Variants in MYRFL observed in about 807,000 individuals in gnomAD.
MYRFL encodes the protein myelin regulatory factor-like protein.
Under a neutral mutation model 109.4 loss-of-function variants are expected in MYRFL, and 88 were observed. The ratio of observed to expected loss-of-function variants is 0.80; its 90% CI spans 0.68 to 0.96. The LOEUF (loss-of-function observed/expected upper bound fraction) is 0.96. Among genes scored for constraint, MYRFL ranks in the 40% least tolerant of loss-of-function variants. The probability of loss-of-function intolerance (pLI) is 0.00; values close to 1 mark genes in which losing one functional copy is unlikely to be tolerated. For missense variants in MYRFL, 957 were observed against 954.9 expected, an observed-to-expected ratio of 1.00 and a Z score of -0.03; for synonymous variants, 324 against 320.9, an observed-to-expected ratio of 1.01 and a Z score of -0.10.
At chr12:69,867,514 G>T (rs1414700784) in intron 2 of MYRFL, among the ~76,000 whole-genome samples, 5 of 152,180 alleles carry the variant, frequency 3.3e-5, no homozygotes, top group Non-Finnish European at 7.4e-5. Context: ...GGACACTGGT[G>T]TTTGAATAGG....
At chr12:69,888,717 G>A (rs576122502) in intron 6 of MYRFL, among the ~76,000 whole-genome samples, 1 of 152,182 alleles carries the variant, frequency 6.6e-6, no homozygotes, top group South Asian at 2.1e-4. Flanking sequence ...CAGAGTTTTT[G>A]ACAGTGAAGC....
intron 6 of MYRFL, among the ~76,000 whole-genome samples, chr12:69,889,674 C>T (rs532720529): frequency 3.3e-5 from 5 of 152,088 alleles, no homozygotes; most frequent in Admixed American, 1.3e-4. Context: ...GCCAACATGG[C>T]GAAACCCCAT....
chr12:69,855,886 T>C (rs544062637), intron 2 of MYRFL, among the ~76,000 whole-genome samples: 2 of 152,274 alleles, frequency 1.3e-5, no homozygotes, highest in African/African-American at 2.4e-5. Flanking sequence ...TTTTGTTTTC[T>C]ATTTCATTGA....
chr12:69,955,395 A>G lies in MYRFL; in HGVS notation c.2408A>G (p.Asn803Ser). The change falls in exon 22 of 25, where the codon AAT becomes AGT. Residue 803 changes from asparagine (N) to serine (S), a missense_variant. Coordinates refer to ENST00000552032, the MANE Select transcript of MYRFL (RefSeq NM_182530.3). ...AATTATAATTACAATATTCCTGTTA[A>G]TAAACACACACCCACCAATGTCAAG... is the stretch of plus-strand genomic sequence containing the variant. ...SGNYNYNIPV[N>S]KHTPTNVKFS... is the part of the protein sequence containing the mutation. 1 of 663,274 alleles carries G rather than the reference A, an allele frequency of 1.5e-6. No individual in the cohort carries two copies. Among genetic ancestry groups the G allele is most frequent in the South Asian group, 1.7e-5 (1 of 58,840 alleles). 41.1% of individuals were successfully genotyped at this position (663,274 alleles called of 1,614,324 possible).
chr12:69,858,616 TA>T (rs1271064677), intron 2 of MYRFL, among the ~76,000 whole-genome samples: 1 of 152,040 alleles, frequency 6.6e-6, no homozygotes, highest in Non-Finnish European at 1.5e-5. Flanking sequence ...TCTAAGTTGT[TA>T]AATTTATGGC....
At chr12:69,955,512 T>C (rs1314412475) in intron 22 of MYRFL, 75 bp downstream of exon 22, 1 of 555,310 alleles carries the variant, frequency 1.8e-6, no homozygotes, top group African/African-American at 1.9e-5. Context: ...ACTTCACAAT[T>C]TGGTCAGTCG....
At chr12:69,929,236 A>G (rs1955194395) in intron 15 of MYRFL, among the ~76,000 whole-genome samples, 1 of 152,186 alleles carries the variant, frequency 6.6e-6, no homozygotes, top group African/African-American at 2.4e-5. Context: ...GGACTCATAT[A>G]GGGCTTAAAG....
intron 2 of MYRFL, among the ~76,000 whole-genome samples, chr12:69,862,244 T>C (rs1254732205): frequency 5.3e-5 from 8 of 150,312 alleles, no homozygotes; most frequent in Non-Finnish European, 1.2e-4. Flanking sequence ...TCTTTTTTGG[T>C]TCCATATGAA....
intron 2 of MYRFL, among the ~76,000 whole-genome samples, chr12:69,864,328 C>CG (rs1462463482): frequency 3.3e-5 from 5 of 151,566 alleles, no homozygotes; most frequent in African/African-American, 4.8e-5. Flanking sequence ...AGGCTCAGTT[C>CG]ATTTTTTTTT....
chr12:69,937,273 T>C lies in MYRFL; in HGVS notation c.2224+641T>C, dbSNP rs555241736. ...TTCCAAATGTATACTAATTTATTAT[T>C]GTTTTTAGAAATTTTATTCTATATA... is the stretch of plus-strand genomic sequence containing the variant. On this transcript the variant is annotated intron_variant, in intron 19 of 24. Coordinates refer to ENST00000552032, the MANE Select transcript of MYRFL (RefSeq NM_182530.3). Among the ~76,000 whole-genome samples the C allele has an allele frequency of 1.1e-3, 163 of 152,172 alleles. 1 individual carries two copies. The highest frequency in any genetic ancestry group is 3.9e-3 in the African/African-American group (160 of 41,528).
At chr12:69,862,735 C>T (rs1884765867) in intron 2 of MYRFL, among the ~76,000 whole-genome samples, 1 of 152,080 alleles carries the variant, frequency 6.6e-6, no homozygotes, top group Non-Finnish European at 1.5e-5. Context: ...ATTGAATACC[C>T]TTTATTTCCT....
rs139406189 is a variant in MYRFL at position 69,904,982 on chromosome 12, T to A, written c.1383+1138T>A. On this transcript the variant is annotated intron_variant, in intron 11 of 24. Transcript: ENST00000552032. ...GAGGATTCCAAAGAATGGTTGTAAT[T>A]GTAGACTTTTATACTGATTGTGAAG... Among the ~76,000 whole-genome samples the A allele has an allele frequency of 2.7e-3, 406 of 152,328 alleles. 3 individuals are homozygous for A. The highest frequency in any genetic ancestry group is 8.2e-3 in the African/African-American group (340 of 41,576).
At chr12:69,883,838 T>C (rs1886282433) in intron 5 of MYRFL, among the ~76,000 whole-genome samples, 1 of 151,888 alleles carries the variant, frequency 6.6e-6, no homozygotes, top group South Asian at 2.1e-4. Context: ...ATTGTGCCAT[T>C]GCACTCCAGC....
chr12:69,840,531 C>G (rs889751413), intron 1 of MYRFL, among the ~76,000 whole-genome samples: 1 of 152,232 alleles, frequency 6.6e-6, no homozygotes, highest in East Asian at 1.9e-4. Flanking sequence ...CTGTTGACTT[C>G]CCTGTGCTCC....
intron 12 of MYRFL, 97 bp downstream of exon 12, chr12:69,910,174 C>G: frequency 1.3e-6 from 1 of 782,270 alleles, no homozygotes; most frequent in East Asian, 2.8e-5. Flanking sequence ...CATTTGACAA[C>G]GCTATGTTGA....
intron 19 of MYRFL, among the ~76,000 whole-genome samples, chr12:69,937,325 T>C (rs1592867940): frequency 6.6e-6 from 1 of 152,102 alleles, no homozygotes; most frequent in African/African-American, 2.4e-5. Context: ...GTAATATTAA[T>C]GATGATGCTA....
chr12:69,915,470 C>A (rs1415781587), intron 13 of MYRFL, among the ~76,000 whole-genome samples: 1 of 152,124 alleles, frequency 6.6e-6, no homozygotes, highest in African/African-American at 2.4e-5. Flanking sequence ...TCTGCAGGTA[C>A]CTCACAACCT....
At chr12:69,950,029 T>C (rs1441830049) in intron 19 of MYRFL, among the ~76,000 whole-genome samples, 2 of 152,300 alleles carry the variant, frequency 1.3e-5, no homozygotes, top group East Asian at 3.9e-4. Context: ...ATTGTTATCC[T>C]TCAGTGCAAA....
intron 9 of MYRFL, among the ~76,000 whole-genome samples, chr12:69,895,801 A>G (rs921298887): frequency 1.3e-5 from 2 of 152,136 alleles, no homozygotes; most frequent in Non-Finnish European, 2.9e-5. Flanking sequence ...GGCTGGCTGC[A>G]TTTCTCAACC....
Sources: gnomAD v4.1 joint callset for allele counts (sites outside exome capture counted in the v4.1 genomes callset) on GRCh38, gnomAD v4.1.1 for gene constraint, MANE v1.5 for transcripts, NCBI Gene and HGNC (gene_info 2026-07-23, HGNC 2026-07-21) for gene names.